TENM2: variants seen among roughly 807,000 people sequenced by gnomAD.
The protein encoded by TENM2 is teneurin transmembrane protein 2.
TENM2 carries 52 observed loss-of-function variants against 245.2 expected under a neutral mutation model. The ratio of observed to expected loss-of-function variants is 0.21; its 90% CI spans 0.17 to 0.27. The LOEUF (loss-of-function observed/expected upper bound fraction) is 0.27. TENM2 is among the 10% of genes least tolerant of loss of function. TENM2 has a pLI of 1.00. For missense variants in TENM2, 3,046 were observed against 3,666.8 expected, an observed-to-expected ratio of 0.83 and a Z score of 4.37; for synonymous variants, 1,363 against 1,438.9, an observed-to-expected ratio of 0.95 and a Z score of 1.19.
chr5:167,211,788 T>G, the TENM2 span, among the ~76,000 whole-genome samples: 4 of 152,090 alleles, frequency 2.6e-5, no homozygotes, highest in Admixed American at 1.3e-4. Flanking sequence ...TAATGACAGA[T>G]AAAATTAAAT....
intron 2 of TENM2, among the ~76,000 whole-genome samples, chr5:167,445,324 T>TAG (rs1561961540): frequency 2.8e-5 from 1 of 35,300 alleles, no homozygotes; most frequent in African/African-American, 1.8e-4. Context: ...TATATATATA[T>TAG]ATATATATAT....
At chr5:167,849,894 G>A (rs1003566412) in intron 2 of TENM2, among the ~76,000 whole-genome samples, 1 of 152,154 alleles carries the variant, frequency 6.6e-6, no homozygotes, top group African/African-American at 2.4e-5. Context: ...CACCCTCCAG[G>A]AACTTCCACA....
intron 2 of TENM2, among the ~76,000 whole-genome samples, chr5:167,459,673 A>G (rs1183628395): frequency 6.6e-6 from 1 of 152,020 alleles, no homozygotes; most frequent in Non-Finnish European, 1.5e-5. Context: ...ACACACCAAC[A>G]CCTGTTATTT....
chr5:167,224,840 A>G, the TENM2 span, among the ~76,000 whole-genome samples: 1 of 151,972 alleles, frequency 6.6e-6, no homozygotes, highest in Non-Finnish European at 1.5e-5. Context: ...TAGGCATGGG[A>G]TGTCTTTCCA....
intron 5 of TENM2, among the ~76,000 whole-genome samples, chr5:168,003,139 A>G (rs924603292): frequency 6.6e-6 from 1 of 152,210 alleles, no homozygotes; most frequent in Non-Finnish European, 1.5e-5. Flanking sequence ...CCTGATTGGT[A>G]TAAATCAATG....
chr5:167,384,456 C>G (rs1236011855), intron 2 of TENM2, among the ~76,000 whole-genome samples: 1 of 152,032 alleles, frequency 6.6e-6, no homozygotes, highest in Admixed American at 6.6e-5. Context: ...GGGACACTTT[C>G]TAGTCTAGAA....
chr5:167,024,571 G>A, the TENM2 span, among the ~76,000 whole-genome samples: 5 of 152,164 alleles, frequency 3.3e-5, no homozygotes, highest in African/African-American at 1.2e-4. Flanking sequence ...TTTGGGTTGG[G>A]AGACAGGGGT....
chr5:167,394,076 T>C (rs188588738), intron 2 of TENM2, among the ~76,000 whole-genome samples: 2 of 152,198 alleles, frequency 1.3e-5, no homozygotes, highest in African/African-American at 4.8e-5. Context: ...ATTCCGTAGA[T>C]TGCATTTTCA....
chr5:167,320,476 T>C (rs1387832293), intron 1 of TENM2, among the ~76,000 whole-genome samples: 3 of 152,332 alleles, frequency 2.0e-5, no homozygotes, highest in Non-Finnish European at 4.4e-5. Context: ...CAGAACGAGA[T>C]CATTCAGGGC....
rs1413919434 is a variant in TENM2, at chr5:167,920,351, GA to G, written c.713-32227del. ...TACTTAAAAAAAAAAGAAAAAAAAAGAAAAAAAAAATCAAAAGTTAGCTGGG... is the reference window on the plus strand; with the variant it reads ...TACTTAAAAAAAAAAGAAAAAAAAAGAAAAAAAAATCAAAAGTTAGCTGGG... On this transcript the variant is annotated intron_variant, in intron 3 of 28. Transcript: ENST00000518659. Among the ~76,000 whole-genome samples, 1,344 of 139,360 alleles carry G rather than the reference GA, an allele frequency of 9.6e-3. 14 individuals carry two copies. The highest frequency in any genetic ancestry group is 0.025 in the South Asian group (111 of 4,422). 91.4% of individuals were successfully genotyped at this position (139,360 alleles called of 152,430 possible). A position where few individuals can be genotyped will look rare whatever the true frequency, so the allele number is the denominator to read the frequency against.
chr5:168,207,522 G>A (rs1394574140), intron 19 of TENM2, among the ~76,000 whole-genome samples: 3 of 152,170 alleles, frequency 2.0e-5, no homozygotes, highest in Non-Finnish European at 4.4e-5. Flanking sequence ...CAGGTACCCA[G>A]AGCCGATTAG....
chr5:167,477,602 AC>A (rs1767479480), intron 2 of TENM2, among the ~76,000 whole-genome samples: 1 of 152,300 alleles, frequency 6.6e-6, no homozygotes, highest in South Asian at 2.1e-4. Flanking sequence ...GTTACCAGTC[AC>A]CTTTTTAGTA....
intron 2 of TENM2, among the ~76,000 whole-genome samples, chr5:167,636,311 A>G (rs1443470904): frequency 1.3e-5 from 2 of 152,242 alleles, no homozygotes; most frequent in Non-Finnish European, 2.9e-5. Context: ...AAAGCATAAT[A>G]ATCACCTATA....
chr5:168,246,309 C>T (rs1036574258), intron 26 of TENM2, among the ~76,000 whole-genome samples: 3 of 152,066 alleles, frequency 2.0e-5, no homozygotes, highest in African/African-American at 4.8e-5. Flanking sequence ...ACACAGCTCC[C>T]CTGCTGGACC....
chr5:167,130,265 C>T, the TENM2 span, among the ~76,000 whole-genome samples: 23 of 152,202 alleles, frequency 1.5e-4, no homozygotes, highest in Non-Finnish European at 2.1e-4. Flanking sequence ...TGAGTGTTTG[C>T]GCTTTGATAA....
chr5:168,233,277 G>C (rs1478165640), intron 25 of TENM2, among the ~76,000 whole-genome samples: 2 of 152,120 alleles, frequency 1.3e-5, no homozygotes, highest in Non-Finnish European at 2.9e-5. Context: ...AGGGAGCCAA[G>C]ATCGTGCCAC....
the TENM2 span, among the ~76,000 whole-genome samples, chr5:167,220,338 T>C: frequency 2.0e-5 from 3 of 152,188 alleles, no homozygotes; most frequent in Non-Finnish European, 4.4e-5. Flanking sequence ...TAGCCAATAG[T>C]GTTAGCCTCT....
At chr5:167,957,494 G>A (rs567445765) in intron 4 of TENM2, among the ~76,000 whole-genome samples, 19 of 152,140 alleles carry the variant, frequency 1.2e-4, no homozygotes, top group East Asian at 3.9e-4. Context: ...TCTGATCTTC[G>A]TTATTTCTTG....
chr5:167,171,324 T>TA, the TENM2 span, among the ~76,000 whole-genome samples: 1 of 152,180 alleles, frequency 6.6e-6, no homozygotes, highest in Non-Finnish European at 1.5e-5. Flanking sequence ...GAGTTGCCAT[T>TA]TTATCAGTGA....
Sources: allele counts gnomAD v4.1 joint callset (sites outside exome capture counted in the v4.1 genomes callset), GRCh38; gene constraint gnomAD v4.1.1; transcripts MANE v1.5; gene names NCBI Gene and HGNC (gene_info 2026-07-23, HGNC 2026-07-21).